Variants in PPARGC1A observed in about 807,000 individuals in gnomAD.
PPARGC1A encodes peroxisome proliferator-activated receptor gamma coactivator 1-alpha.
In PPARGC1A, 25 loss-of-function variants were observed where a neutral mutation model predicts 88.7. The ratio of observed to expected loss-of-function variants is 0.28; its 90% CI spans 0.21 to 0.39. The LOEUF (loss-of-function observed/expected upper bound fraction) is 0.39. PPARGC1A is among the 10% of genes least tolerant of loss of function. The pLI is 1.00. For missense variants in PPARGC1A, 880 were observed against 968.7 expected (o/e 0.91, Z 1.22); for synonymous variants, 363 against 355.6 (o/e 1.02, Z -0.24).
chr4:24,458,533 A>T, the PPARGC1A span, among the ~76,000 whole-genome samples: 1 of 152,176 alleles, frequency 6.6e-6, no homozygotes, highest in Admixed American at 6.5e-5. Context: ...AAATACTGTA[A>T]TATGAGGATT....
the PPARGC1A span, among the ~76,000 whole-genome samples, chr4:24,044,861 A>C: frequency 6.6e-6 from 1 of 152,224 alleles, no homozygotes; most frequent in Non-Finnish European, 1.5e-5. Flanking sequence ...CTCCTTGCAC[A>C]CAGCTCACAT....
the PPARGC1A span, among the ~76,000 whole-genome samples, chr4:24,324,509 C>T: frequency 8.6e-5 from 13 of 151,584 alleles, no homozygotes; most frequent in Admixed American, 4.6e-4. Context: ...CATTCCTCCT[C>T]CTTCTCCCTT....
At chr4:23,916,939 C>T in the PPARGC1A span, among the ~76,000 whole-genome samples, 1 of 152,128 alleles carries the variant, frequency 6.6e-6, no homozygotes, top group Admixed American at 6.6e-5. Flanking sequence ...TGAACACACG[C>T]AAAAACACAA....
chr4:24,370,749 C>CTTTTTTTT, the PPARGC1A span, among the ~76,000 whole-genome samples: 21 of 62,914 alleles, frequency 3.3e-4, 1 homozygote, highest in African/African-American at 1.2e-3. Context: ...CTGTCTCTCT[C>CTTTTTTTT]TTTTTTTTTT....
the PPARGC1A span, among the ~76,000 whole-genome samples, chr4:23,937,100 C>T: frequency 6.6e-6 from 1 of 151,386 alleles, no homozygotes. Context: ...ATTTCATGGT[C>T]CACAGAATGA....
chr4:24,042,709 C>T, the PPARGC1A span, among the ~76,000 whole-genome samples: 1 of 152,098 alleles, frequency 6.6e-6, no homozygotes, highest in Non-Finnish European at 1.5e-5. Context: ...TTAAAAGTCA[C>T]TTTTTAAAAT....
At chr4:24,014,532 T>C in the PPARGC1A span, among the ~76,000 whole-genome samples, 1 of 152,188 alleles carries the variant, frequency 6.6e-6, no homozygotes, top group African/African-American at 2.4e-5. Flanking sequence ...CTTGCAAGTC[T>C]ACAATCAAGA....
the PPARGC1A span, among the ~76,000 whole-genome samples, chr4:24,057,960 G>T: frequency 6.6e-6 from 1 of 152,214 alleles, no homozygotes; most frequent in Non-Finnish European, 1.5e-5. Flanking sequence ...GCATGCTCAT[G>T]CATGGGAGAG....
the PPARGC1A span, among the ~76,000 whole-genome samples, chr4:23,995,087 G>T: frequency 2.0e-5 from 3 of 152,110 alleles, no homozygotes; most frequent in Non-Finnish European, 4.4e-5. Flanking sequence ...GCAAGTTCTA[G>T]TTAAAAACCC....
the PPARGC1A span, among the ~76,000 whole-genome samples, chr4:24,379,750 A>C: frequency 2.6e-3 from 381 of 145,828 alleles, 1 homozygote; most frequent in Non-Finnish European, 3.9e-3. Flanking sequence ...GTGTGGTTTT[A>C]TTTCTTTCTT....
At chr4:23,885,962 G>A (rs1716804037) in intron 1 of PPARGC1A, among the ~76,000 whole-genome samples, 1 of 152,110 alleles carries the variant, frequency 6.6e-6, no homozygotes, top group African/African-American at 2.4e-5. Context: ...TTACCATGCG[G>A]CTTTTGGAGG....
the PPARGC1A span, among the ~76,000 whole-genome samples, chr4:24,236,506 G>A: frequency 2.0e-5 from 3 of 152,176 alleles, no homozygotes; most frequent in Admixed American, 6.5e-5. Flanking sequence ...AGTACCAAGA[G>A]GTGGAGCAGA....
the PPARGC1A span, among the ~76,000 whole-genome samples, chr4:24,181,641 A>G: frequency 6.6e-6 from 1 of 152,290 alleles, no homozygotes; most frequent in South Asian, 2.1e-4. Context: ...CTAGGTATGG[A>G]CGAGTGAAGT....
chr4:24,164,624 G>C, the PPARGC1A span, among the ~76,000 whole-genome samples: 1 of 152,042 alleles, frequency 6.6e-6, no homozygotes, highest in Non-Finnish European at 1.5e-5. Context: ...AACAGAAAGG[G>C]GTTGATTTGA....
the PPARGC1A span, among the ~76,000 whole-genome samples, chr4:24,216,198 A>T: frequency 7.5e-6 from 1 of 132,548 alleles, no homozygotes; most frequent in African/African-American, 2.9e-5. Flanking sequence ...CCCAGACCGG[A>T]GTGCAATAGT....
the PPARGC1A span, among the ~76,000 whole-genome samples, chr4:24,071,496 C>CT: frequency 0.26 from 38,788 of 151,028 alleles, 5,376 homozygotes; most frequent in Non-Finnish European, 0.3. Flanking sequence ...AAATTGCATG[C>CT]TTTTTTTTTC....
chr4:24,349,419 G>T, the PPARGC1A span, among the ~76,000 whole-genome samples: 4 of 152,196 alleles, frequency 2.6e-5, no homozygotes, highest in Non-Finnish European at 5.9e-5. Flanking sequence ...AGGGCCATCA[G>T]GTGGGGGCAT....
chr4:23,922,792 G>A, the PPARGC1A span, among the ~76,000 whole-genome samples: 805 of 152,224 alleles, frequency 5.3e-3, 12 homozygotes, highest in Middle Eastern at 0.02. Flanking sequence ...TGGCTCACCC[G>A]GGCTACACCA....
the PPARGC1A span, among the ~76,000 whole-genome samples, chr4:24,374,857 G>A: frequency 6.6e-6 from 1 of 152,004 alleles, no homozygotes; most frequent in Non-Finnish European, 1.5e-5. Flanking sequence ...ATTAAACATG[G>A]TGTTACTATA....
Sources: allele counts gnomAD v4.1 joint callset (sites outside exome capture counted in the v4.1 genomes callset), GRCh38; gene constraint gnomAD v4.1.1; transcripts MANE v1.5; gene names NCBI Gene and HGNC (gene_info 2026-07-23, HGNC 2026-07-21).